NTRK3: variants seen among roughly 807,000 people sequenced by gnomAD.
The protein encoded by NTRK3 is neurotrophic receptor tyrosine kinase 3, also known as NT-3 growth factor receptor.
NTRK3 carries 24 observed loss-of-function variants against 91.7 expected under a neutral mutation model. The ratio of observed to expected loss-of-function variants is 0.26; its 90% CI spans 0.19 to 0.37. The LOEUF (loss-of-function observed/expected upper bound fraction) is 0.37. Ranked by LOEUF, NTRK3 falls within the 10% of genes least tolerant of loss-of-function variation. The probability of loss-of-function intolerance (pLI) is 1.00; values close to 1 mark genes in which losing one functional copy is unlikely to be tolerated. For missense variants in NTRK3, 880 were observed against 1,068.9 expected (o/e 0.82, Z 2.46); for synonymous variants, 483 against 404.0 (o/e 1.20, Z -2.34).
rs1031285561 is a variant in NTRK3, at chr15:88,075,227, G to C, written c.1397-42182C>G. 2.6e-5 allele frequency among the ~76,000 whole-genome samples: 4 copies of C among 152,166 alleles called. 1 individual carries two copies. The highest frequency in any genetic ancestry group is 2.6e-4 in the Admixed American group (4 of 15,280). On this transcript the variant is annotated intron_variant, in intron 13 of 18. Transcript: ENST00000394480. ...ACCCTGGCTCCTGCATGCTGGGCCT[G>C]AGCCAAGCCCACCCGAGGGCCTGAG...
At chr15:88,083,998 A>C (rs1244218238) in intron 13 of NTRK3, among the ~76,000 whole-genome samples, 4 of 152,136 alleles carry the variant, frequency 2.6e-5, no homozygotes, top group African/African-American at 7.2e-5. Flanking sequence ...TGTGGATTGC[A>C]AGGAAAATTT....
At chr15:88,111,136 C>T (rs974456241) in intron 13 of NTRK3, among the ~76,000 whole-genome samples, 3 of 152,148 alleles carry the variant, frequency 2.0e-5, no homozygotes, top group Non-Finnish European at 2.9e-5. Context: ...GGGTTCACCC[C>T]GGGCATGGTT....
intron 17 of NTRK3, among the ~76,000 whole-genome samples, chr15:87,910,050 G>A (rs193154963): frequency 6.3e-4 from 96 of 152,292 alleles, no homozygotes; most frequent in Middle Eastern, 3.4e-3. Flanking sequence ...CTGGGCCACC[G>A]GGGACAGACT....
At chr15:87,999,173 C>T (rs1197871111) in intron 14 of NTRK3, among the ~76,000 whole-genome samples, 1 of 152,104 alleles carries the variant, frequency 6.6e-6, no homozygotes, top group Non-Finnish European at 1.5e-5. Context: ...TAACAAACAC[C>T]CCTAAGAGGT....
chr15:88,006,192 C>CA, intron 14 of NTRK3, among the ~76,000 whole-genome samples: 1 of 152,278 alleles, frequency 6.6e-6, no homozygotes, highest in East Asian at 1.9e-4. Flanking sequence ...CAGTCATCCC[C>CA]AAAAAAATTT....
chr15:87,914,023 T>C (rs1047853030), intron 17 of NTRK3, among the ~76,000 whole-genome samples: 1 of 152,172 alleles, frequency 6.6e-6, no homozygotes, highest in African/African-American at 2.4e-5. Flanking sequence ...GCAAAAGACA[T>C]GGAGTATTTC....
Position 88,237,834 on chromosome 15 carries a change from G to C in NTRK3, c.248+18072C>G, listed in dbSNP as rs937205219. On this transcript the variant is annotated intron_variant, in intron 3 of 18. Transcript: ENST00000394480. The surrounding 1 kb of genome is among the most constrained non-coding windows in gnomAD (Gnocchi z 4.0). Reference sequence around the variant, plus strand: ...TCTGCACTCAGAAAATCTAAAAATGGTGCTTTAAATTTCATCAGGTATGCA... The same window carrying C: ...TCTGCACTCAGAAAATCTAAAAATGCTGCTTTAAATTTCATCAGGTATGCA... 6.6e-6 allele frequency among the ~76,000 whole-genome samples: 1 copy of C among 152,072 alleles called. No homozygotes were observed. Among genetic ancestry groups the C allele is most frequent in the Admixed American group, 6.5e-5 (1 of 15,270 alleles).
intron 8 of NTRK3, 59 bp from the exon 9 acceptor site, chr15:88,136,099 C>T: frequency 6.3e-6 from 10 of 1,592,632 alleles, no homozygotes; most frequent in Non-Finnish European, 8.6e-6. Flanking sequence ...GGCTCTGCTA[C>T]CTAATCCCCA....
chr15:88,019,413 T>C (rs1366910623), intron 14 of NTRK3, among the ~76,000 whole-genome samples: 2 of 152,230 alleles, frequency 1.3e-5, no homozygotes, highest in Non-Finnish European at 2.9e-5. Context: ...TGGAGACATA[T>C]GCCCTCCAGG....
intron 13 of NTRK3, chr15:88,098,450 C>T (rs948941203): frequency 1.5e-5 from 3 of 198,144 alleles, no homozygotes; most frequent in African/African-American, 6.9e-5. Context: ...ACTCGTGGAG[C>T]TTCAGCAAGC....
At chr15:88,110,970 C>T (rs2051278475) in intron 13 of NTRK3, among the ~76,000 whole-genome samples, 1 of 152,144 alleles carries the variant, frequency 6.6e-6, no homozygotes, top group Non-Finnish European at 1.5e-5. Context: ...GGGACAACTT[C>T]AGGAGATATT....
At chr15:87,975,710 G>T (rs903083292) in intron 14 of NTRK3, among the ~76,000 whole-genome samples, 1 of 152,110 alleles carries the variant, frequency 6.6e-6, no homozygotes, top group Non-Finnish European at 1.5e-5. Context: ...GACTCCAATC[G>T]CAGCTGGTTC....
At chr15:88,125,712 T>G (rs996643250) in intron 13 of NTRK3, among the ~76,000 whole-genome samples, 1 of 151,970 alleles carries the variant, frequency 6.6e-6, no homozygotes, top group Non-Finnish European at 1.5e-5. Context: ...CACAGTGGAG[T>G]GGAGCACTGT....
chr15:88,155,300 CT>C (rs1220505549), intron 5 of NTRK3, among the ~76,000 whole-genome samples: 1 of 152,176 alleles, frequency 6.6e-6, no homozygotes, highest in Non-Finnish European at 1.5e-5. Flanking sequence ...ATGTTGCTGG[CT>C]TTGAAGATGG....
At chr15:87,978,984 C>A in intron 14 of NTRK3, 1 of 376,178 alleles carries the variant, frequency 2.7e-6, no homozygotes, top group Non-Finnish European at 4.9e-6. Context: ...CTTCATCAGG[C>A]TTTCTTGTGA....
At chr15:88,092,615 A>C (rs1403197076) in intron 13 of NTRK3, among the ~76,000 whole-genome samples, 1 of 152,204 alleles carries the variant, frequency 6.6e-6, no homozygotes, top group Admixed American at 6.5e-5. Context: ...TCAGTGGCTT[A>C]TTCTCTCACA....
chr15:88,030,721 C>T (rs972313833), intron 14 of NTRK3, among the ~76,000 whole-genome samples: 2 of 151,900 alleles, frequency 1.3e-5, no homozygotes, highest in African/African-American at 2.4e-5. Flanking sequence ...CTTAGAGGCA[C>T]GTTTCCAGCT....
intron 5 of NTRK3, among the ~76,000 whole-genome samples, chr15:88,182,215 G>A (rs2046534085): frequency 6.6e-6 from 1 of 152,140 alleles, no homozygotes; most frequent in East Asian, 1.9e-4. Flanking sequence ...GAAAGCAGAG[G>A]TGGCCATACT....
intron 3 of NTRK3, among the ~76,000 whole-genome samples, chr15:88,222,361 T>C (rs1402387045): frequency 6.6e-6 from 1 of 152,208 alleles, no homozygotes; most frequent in African/African-American, 2.4e-5. Flanking sequence ...TTCAATGGCT[T>C]AGCCAAGGTC....
Sources: allele counts gnomAD v4.1 joint callset (sites outside exome capture counted in the v4.1 genomes callset), GRCh38; gene constraint gnomAD v4.1.1; non-coding constraint Gnocchi (gnomAD v3.1); transcripts MANE v1.5; gene names NCBI Gene and HGNC (gene_info 2026-07-23, HGNC 2026-07-21).